Variants in STRBP observed in about 807,000 individuals in gnomAD.
STRBP encodes spermatid perinuclear RNA-binding protein.
In STRBP, 13 loss-of-function variants were observed where a neutral mutation model predicts 80.1. That is an observed-to-expected ratio of 0.16 (90% CI 0.11 to 0.26). The LOEUF is 0.26. Ranked by LOEUF, STRBP falls within the 10% of genes least tolerant of loss-of-function variation. The pLI is 1.00. For missense variants in STRBP, 485 were observed against 815.2 expected, an observed-to-expected ratio of 0.59 and a Z score of 4.93; for synonymous variants, 284 against 291.2, an observed-to-expected ratio of 0.98 and a Z score of 0.25.
At chr9:123,182,216 TTAAAAAAAA>T (rs1203084561) in intron 3 of STRBP, among the ~76,000 whole-genome samples, 1,690 of 94,478 alleles carry the variant, frequency 0.018, 47 homozygotes, top group African/African-American at 0.07. Context: ...CTCCGTTTCT[TTAAAAAAAA>T]AAAAAAAAAA....
chr9:123,203,553 C>T (rs1385553721), intron 2 of STRBP, among the ~76,000 whole-genome samples: 1 of 152,110 alleles, frequency 6.6e-6, no homozygotes, highest in East Asian at 1.9e-4. Context: ...TCCTTGCTGA[C>T]GTTCCCACCT....
chr9:123,167,167 G>T (rs889138177), intron 6 of STRBP, among the ~76,000 whole-genome samples: 1 of 151,482 alleles, frequency 6.6e-6, no homozygotes, highest in Non-Finnish European at 1.5e-5. Flanking sequence ...AGTTAAGACA[G>T]AAAAAAGAAA....
intron 2 of STRBP, among the ~76,000 whole-genome samples, chr9:123,221,579 T>A (rs1256019885): frequency 6.6e-6 from 1 of 152,280 alleles, no homozygotes; most frequent in Non-Finnish European, 1.5e-5. Context: ...CTACATTTGC[T>A]GTATCTCTGT....
At chr9:123,248,740 C>A (rs189725668) in intron 1 of STRBP, among the ~76,000 whole-genome samples, 1 of 152,236 alleles carries the variant, frequency 6.6e-6, no homozygotes, top group East Asian at 1.9e-4. Context: ...TAATGATTAC[C>A]TGAATGAGCA....
chr9:123,145,783 T>C (rs2036787663), intron 13 of STRBP, among the ~76,000 whole-genome samples: 1 of 152,228 alleles, frequency 6.6e-6, no homozygotes, highest in Non-Finnish European at 1.5e-5. Context: ...TTTCTTTTTC[T>C]GCCTCATTTT....
chr9:123,146,813 CATAAA>C (rs763508569), intron 13 of STRBP, 37 bp downstream of exon 13: 1 of 1,502,046 alleles, frequency 6.7e-7, no homozygotes, highest in Non-Finnish European at 9.1e-7. Context: ...TTATTTGGAA[CATAAA>C]ATAAGAAAGC....
chr9:123,142,335 GTGCC>G (rs1332578401), intron 13 of STRBP, among the ~76,000 whole-genome samples: 1 of 152,144 alleles, frequency 6.6e-6, no homozygotes, highest in Non-Finnish European at 1.5e-5. Context: ...CACATAAGAT[GTGCC>G]TGCTTCCCCT....
intron 17 of STRBP, among the ~76,000 whole-genome samples, chr9:123,132,171 C>CT (rs553749732): frequency 4.5e-4 from 69 of 152,270 alleles, no homozygotes; most frequent in Middle Eastern, 6.8e-3. Flanking sequence ...ATGCAAACAC[C>CT]TACATTCAAA....
chr9:123,144,787 C>A (rs2036744254), intron 13 of STRBP, among the ~76,000 whole-genome samples: 2 of 152,094 alleles, frequency 1.3e-5, no homozygotes, highest in Non-Finnish European at 2.9e-5. Flanking sequence ...CAAACTACCT[C>A]AAAATAGCAA....
chr9:123,165,946 G>C (rs1315757392), intron 6 of STRBP, among the ~76,000 whole-genome samples: 2 of 152,252 alleles, frequency 1.3e-5, no homozygotes, highest in African/African-American at 4.8e-5. Flanking sequence ...TATTACTTGA[G>C]CTATGAGATG....
rs2036041749 is a variant in STRBP, at chr9:123,129,472, C to CT, written c.1898-1215dup. ...TACACAGTACCCAAAACAAATGGAG[C>CT]TTTTTCACATTACCACTCCTTTTTT... On this transcript the variant is annotated intron_variant, in intron 17 of 18. Coordinates refer to ENST00000348403, the MANE Select transcript of STRBP (RefSeq NM_018387.5). 4.6e-5 allele frequency among the ~76,000 whole-genome samples: 7 copies of CT among 152,234 alleles called. No individual in the cohort carries two copies. The South Asian group carries it at 1.5e-3, about 32-fold the overall frequency.
intron 1 of STRBP, among the ~76,000 whole-genome samples, chr9:123,263,087 A>C (rs1342623992): frequency 6.6e-6 from 1 of 152,230 alleles, no homozygotes; most frequent in East Asian, 1.9e-4. Flanking sequence ...ATTTTGAAAA[A>C]CAACCAATCT....
intron 2 of STRBP, among the ~76,000 whole-genome samples, chr9:123,197,799 C>T (rs1448619165): frequency 1.3e-5 from 2 of 151,436 alleles, no homozygotes; most frequent in Non-Finnish European, 2.9e-5. Flanking sequence ...CTCAGCTTCC[C>T]GAGTAGCTGG....
rs1491003305 is a variant in STRBP at position 123,122,519 on chromosome 9, A to G, written c.*3078T>C. ...GTTCCCCAGGCTAACAATTTGAGAGAGACTACAAACGACTTCAGAACTATA... is the reference window on the plus strand; with the variant it reads ...GTTCCCCAGGCTAACAATTTGAGAGGGACTACAAACGACTTCAGAACTATA... On this transcript the variant is annotated 3_prime_UTR_variant, in exon 19 of 19. Transcript: ENST00000348403. 5 of 1,182,554 alleles carry G rather than the reference A, an allele frequency of 4.2e-6. No individual in the cohort carries two copies. The African/African-American group carries it at 6.4e-5, about 15-fold the overall frequency. The allele number at this position is 1,182,554 out of a possible 1,614,324, so 73.3% of individuals were successfully genotyped here.
At chr9:123,243,265 CAAAAAAAAAA>C (rs1160280485) in intron 1 of STRBP, among the ~76,000 whole-genome samples, 3 of 78,952 alleles carry the variant, frequency 3.8e-5, no homozygotes, top group African/African-American at 1.1e-4. Flanking sequence ...ATCAATAAGA[CAAAAAAAAAA>C]AAAAAAAAAG....
intron 1 of STRBP, among the ~76,000 whole-genome samples, chr9:123,265,025 T>C (rs948166348): frequency 5.9e-5 from 9 of 152,168 alleles, no homozygotes; most frequent in African/African-American, 2.2e-4. Flanking sequence ...TATATTATAT[T>C]GTATACATAT....
chr9:123,220,704 C>A (rs2040039811), intron 2 of STRBP, among the ~76,000 whole-genome samples: 1 of 152,100 alleles, frequency 6.6e-6, no homozygotes, highest in Non-Finnish European at 1.5e-5. Flanking sequence ...TTTTAAGAAA[C>A]CCACTAACAG....
intron 11 of STRBP, among the ~76,000 whole-genome samples, chr9:123,156,075 T>TAA (rs80013087): frequency 3.6e-5 from 5 of 137,506 alleles, no homozygotes; most frequent in Admixed American, 1.5e-4. Flanking sequence ...TCTTTAAAGT[T>TAA]AAAAAAAAAA....
chr9:123,147,150 A>G, intron 12 of STRBP, 96 bp from the exon 13 acceptor site: 1 of 924,124 alleles, frequency 1.1e-6, no homozygotes, highest in South Asian at 1.9e-5. Context: ...AAATTCACCA[A>G]AATTTTTTTA....
Sources: gnomAD v4.1 joint callset for allele counts (sites outside exome capture counted in the v4.1 genomes callset) on GRCh38, gnomAD v4.1.1 for gene constraint, MANE v1.5 for transcripts, NCBI Gene and HGNC (gene_info 2026-07-23, HGNC 2026-07-21) for gene names.